The following LNX1 variants were observed in gnomAD, a reference collection of about 807,000 sequenced individuals.
LNX1 encodes the protein ligand of numb-protein X 1.
Under a neutral mutation model 68.4 loss-of-function variants are expected in LNX1, and 54 were observed. The ratio of observed to expected loss-of-function variants is 0.79; its 90% confidence interval spans 0.63 to 0.99. The LOEUF (loss-of-function observed/expected upper bound fraction) is 0.99. Among genes scored for constraint, LNX1 ranks in the 50% least tolerant of loss-of-function variants. The pLI, the probability that LNX1 is intolerant of heterozygous loss-of-function variation, is 0.00. For missense variants in LNX1, 906 were observed against 926.4 expected (o/e 0.98, Z 0.29); for synonymous variants, 336 against 350.0 (o/e 0.96, Z 0.45).
rs1731335793 is a variant in LNX1, at chr4:53,574,016, G to C, written c.-14C>G. 6.3e-7 allele frequency: 1 copy of C among 1,599,928 alleles called. No individual in the cohort carries two copies. Among genetic ancestry groups the C allele is most frequent in the Non-Finnish European group, 8.5e-7 (1 of 1,172,356 alleles). Reference sequence around the variant, plus strand: ...TGGCTGGTTCATGATGGATTGGAGAGCAGTATAACAGGAAACTCAGTCACA... The same window carrying C: ...TGGCTGGTTCATGATGGATTGGAGACCAGTATAACAGGAAACTCAGTCACA... On this transcript the variant is annotated 5_prime_UTR_variant, in exon 2 of 11. Coordinates refer to ENST00000263925, the MANE Select transcript of LNX1 (RefSeq NM_001126328.3).
At chr4:53,518,894 G>T (rs992818049) in intron 2 of LNX1, among the ~76,000 whole-genome samples, 1 of 152,212 alleles carries the variant, frequency 6.6e-6, no homozygotes, top group African/African-American at 2.4e-5. Flanking sequence ...GCCAGCTACT[G>T]AGTAACTGCC....
rs145916448 is a variant in LNX1, at chr4:53,498,695, A to G, written c.924T>C (p.Arg308=). 44 of 1,613,980 alleles carry G rather than the reference A, an allele frequency of 2.7e-5. 1 individual carries two copies. The highest frequency in any genetic ancestry group is 3.7e-5 in the Non-Finnish European group (44 of 1,180,006). Residue 308 remains arginine, a synonymous_variant, in exon 5 of 11, where the codon CGT becomes CGC. Transcript: ENST00000263925. The stretch of plus-strand genomic sequence containing the variant: ...GGCCGTCTCTGGCGATCACCCCATC[A>G]CGATAAATGTGTTGGATAATGATAT... The part of the protein sequence containing the change: ...LVHIIIQHIY[R]DGVIARDGRL...
intron 6 of LNX1, among the ~76,000 whole-genome samples, chr4:53,486,676 C>T (rs886991500): frequency 3.3e-5 from 5 of 152,102 alleles, no homozygotes; most frequent in Non-Finnish European, 5.9e-5. Context: ...AAATAGGAAC[C>T]ATCTAATATT....
intron 1 of LNX1, among the ~76,000 whole-genome samples, chr4:53,644,222 G>T (rs529790657): frequency 1.3e-5 from 2 of 152,116 alleles, no homozygotes; most frequent in African/African-American, 4.8e-5. Flanking sequence ...CCAGCATGAT[G>T]AAACTCTGTC....
chr4:53,479,969 A>T (rs1723811297), intron 7 of LNX1, among the ~76,000 whole-genome samples: 1 of 152,216 alleles, frequency 6.6e-6, no homozygotes, highest in African/African-American at 2.4e-5. Flanking sequence ...CTCCCCACAG[A>T]GGTAAACCAT....
At chr4:53,544,406 G>T (rs1231820813) in intron 2 of LNX1, among the ~76,000 whole-genome samples, 1 of 152,036 alleles carries the variant, frequency 6.6e-6, no homozygotes, top group Non-Finnish European at 1.5e-5. Context: ...TGTTGGCCAG[G>T]CTAGTCTCAA....
At chr4:53,540,575 G>C (rs1262145061) in intron 2 of LNX1, among the ~76,000 whole-genome samples, 2 of 151,950 alleles carry the variant, frequency 1.3e-5, no homozygotes, top group Non-Finnish European at 2.9e-5. Flanking sequence ...CCAGCTACTC[G>C]GGAGGCTGAG....
rs148259479 is a variant in LNX1, at chr4:53,468,076, C to G, written c.1893-6483G>C. On this transcript the variant is annotated intron_variant, in intron 9 of 10. Coordinates refer to ENST00000263925, the MANE Select transcript of LNX1 (RefSeq NM_001126328.3). ...AAGTTGAAATGAAGGAAAAAATGTT[C>G]AGGGCAGCCAGAGAGAAAGGTCGGG... is the stretch of plus-strand genomic sequence containing the variant. Among the ~76,000 whole-genome samples, 1,328 of 152,186 alleles carry G rather than the reference C, an allele frequency of 8.7e-3. 22 individuals carry two copies. The highest frequency in any genetic ancestry group is 0.03 in the African/African-American group (1,252 of 41,520).
chr4:53,484,577 A>G (rs1270893019), intron 6 of LNX1, among the ~76,000 whole-genome samples: 1 of 152,072 alleles, frequency 6.6e-6, no homozygotes, highest in Non-Finnish European at 1.5e-5. Flanking sequence ...AAAGAAAAAA[A>G]AAATCTTTAG....
intron 4 of LNX1, among the ~76,000 whole-genome samples, chr4:53,501,614 G>A (rs1252727660): frequency 2.0e-5 from 3 of 152,166 alleles, no homozygotes; most frequent in Non-Finnish European, 2.9e-5. Flanking sequence ...AAGAAATGCT[G>A]AAGCTTAGAG....
chr4:53,562,828 C>T (rs1730379946), intron 2 of LNX1, among the ~76,000 whole-genome samples: 1 of 152,118 alleles, frequency 6.6e-6, no homozygotes, highest in Non-Finnish European at 1.5e-5. Flanking sequence ...TGTTGATTGG[C>T]TTGCTTTAGC....
intron 2 of LNX1, among the ~76,000 whole-genome samples, chr4:53,555,287 C>A (rs1371103128): frequency 6.6e-6 from 1 of 152,152 alleles, no homozygotes; most frequent in Non-Finnish European, 1.5e-5. Flanking sequence ...TTGGTGACAA[C>A]CACAGCCAGC....
chr4:53,465,075 G>A (rs190169191), intron 9 of LNX1, among the ~76,000 whole-genome samples: 100 of 152,142 alleles, frequency 6.6e-4, no homozygotes, highest in African/African-American at 2.2e-3. Flanking sequence ...TCTTCCAAGC[G>A]TCTTGCATTT....
intron 6 of LNX1, among the ~76,000 whole-genome samples, chr4:53,490,993 T>C (rs901612235): frequency 6.6e-6 from 1 of 152,196 alleles, no homozygotes; most frequent in Non-Finnish European, 1.5e-5. Flanking sequence ...TTTTAGGAAG[T>C]CCCAGTGTTA....
At chr4:53,595,740 C>T (rs1732723090), upstream of LNX1, among the ~76,000 whole-genome samples, 2 of 152,156 alleles carry the variant, frequency 1.3e-5, no homozygotes, top group South Asian at 4.1e-4. Context: ...GGAGGTCTGT[C>T]TTCAAAGCTC....
At chr4:53,627,355 T>C (rs1036947697) in intron 1 of LNX1, among the ~76,000 whole-genome samples, 31 of 152,332 alleles carry the variant, frequency 2.0e-4, no homozygotes, top group African/African-American at 7.0e-4. Flanking sequence ...CTCATTAACA[T>C]TTGTAAGAAA....
At chr4:53,581,250 A>AT (rs1731817748) in intron 1 of LNX1, among the ~76,000 whole-genome samples, 1 of 152,200 alleles carries the variant, frequency 6.6e-6, no homozygotes, top group Non-Finnish European at 1.5e-5. Context: ...TTAATGGCTA[A>AT]TTTTTTTCAG....
chr4:53,464,009 TC>T (rs1267335117), intron 9 of LNX1, among the ~76,000 whole-genome samples: 1 of 152,088 alleles, frequency 6.6e-6, no homozygotes, highest in African/African-American at 2.4e-5. Flanking sequence ...TCTTATTTCT[TC>T]CTGATGATTT....
chr4:53,638,009 G>C (rs574445857), intron 1 of LNX1, among the ~76,000 whole-genome samples: 7 of 152,316 alleles, frequency 4.6e-5, no homozygotes, highest in African/African-American at 1.7e-4. Context: ...ATCACTGATA[G>C]ATGGCAGCCA....
Sources: allele counts gnomAD v4.1 joint callset (sites outside exome capture counted in the v4.1 genomes callset), GRCh38; gene constraint gnomAD v4.1.1; transcripts MANE v1.5; gene names NCBI Gene and HGNC (gene_info 2026-07-23, HGNC 2026-07-21).